Variants in RPS6KA2 observed in about 807,000 individuals in gnomAD.
RPS6KA2 encodes ribosomal protein S6 kinase A2.
RPS6KA2 carries 42 observed loss-of-function variants against 91.8 expected under a neutral mutation model. That is an observed-to-expected ratio of 0.46 (90% confidence interval 0.36 to 0.59). The LOEUF is 0.59. Among genes scored for constraint, RPS6KA2 ranks in the 20% least tolerant of loss-of-function variants. RPS6KA2 has a pLI of 0.00. For missense variants in RPS6KA2, 798 were observed against 978.5 expected (o/e 0.82, Z 2.46); for synonymous variants, 414 against 393.6 (o/e 1.05, Z -0.61).
intron 2 of RPS6KA2, among the ~76,000 whole-genome samples, chr6:166,676,672 C>A (rs999954967): frequency 4.6e-5 from 7 of 152,244 alleles, no homozygotes. Flanking sequence ...GATAATAAGA[C>A]TTTTCCCCTT....
At chr6:166,630,675 G>A (rs947186554), upstream of RPS6KA2, among the ~76,000 whole-genome samples, 2 of 152,228 alleles carry the variant, frequency 1.3e-5, no homozygotes, top group Non-Finnish European at 2.9e-5. Flanking sequence ...ACGAGGGAGG[G>A]AGGTGGGCTT....
intron 1 of RPS6KA2, among the ~76,000 whole-genome samples, chr6:166,570,346 T>C (rs1446722406): frequency 1.3e-5 from 2 of 152,218 alleles, no homozygotes; most frequent in Admixed American, 1.3e-4. Context: ...CCCCTTCCAC[T>C]GTCCTGCATG....
intron 1 of RPS6KA2, among the ~76,000 whole-genome samples, chr6:166,617,048 C>T (rs562060166): frequency 2.0e-5 from 3 of 152,336 alleles, no homozygotes; most frequent in East Asian, 1.9e-4. Context: ...AGGTGCCGGG[C>T]GCCCGCTCCA....
intron 1 of RPS6KA2, among the ~76,000 whole-genome samples, chr6:166,562,456 C>T (rs1784372650): frequency 6.6e-6 from 1 of 152,238 alleles, no homozygotes; most frequent in Non-Finnish European, 1.5e-5. Flanking sequence ...ATGACCATCT[C>T]TGGCTCTCTG....
intron 1 of RPS6KA2, among the ~76,000 whole-genome samples, chr6:166,617,626 G>A (rs1171618659): frequency 6.6e-6 from 1 of 152,122 alleles, no homozygotes; most frequent in Non-Finnish European, 1.5e-5. Context: ...ACCACTTTTT[G>A]TCTGCATTTT....
intron 11 of RPS6KA2, among the ~76,000 whole-genome samples, chr6:166,463,826 G>T (rs73271266): frequency 0.052 from 7,967 of 152,208 alleles, 714 homozygotes; most frequent in African/African-American, 0.18. Flanking sequence ...GATCGAAAGC[G>T]CCGCAGGAAG....
At chr6:166,471,040 C>T (rs1780747765) in intron 10 of RPS6KA2, among the ~76,000 whole-genome samples, 1 of 152,080 alleles carries the variant, frequency 6.6e-6, no homozygotes, top group Non-Finnish European at 1.5e-5. Context: ...AGGGTCTGAT[C>T]CCTGGGGCCC....
At position 166,423,029 on chromosome 6, in the gene RPS6KA2, A is replaced by T. The variant is rs1373215056; in HGVS notation, c.1743+227T>A. 2.0e-5 allele frequency among the ~76,000 whole-genome samples: 3 copies of T among 152,214 alleles called. No individual in the cohort carries two copies. Among genetic ancestry groups the T allele is most frequent in the African/African-American group, 7.2e-5 (3 of 41,446 alleles). Reference sequence around the variant, plus strand: ...TTTACATAAAAATGTTACTGTTGAAAAGTTTTTTCAAATGGGAAAATGAGA... The same window carrying T: ...TTTACATAAAAATGTTACTGTTGAATAGTTTTTTCAAATGGGAAAATGAGA... On this transcript the variant is annotated intron_variant, in intron 17 of 20. Transcript: ENST00000265678. This position sits in a 1 kb window ranked among gnomAD's most constrained non-coding sequence, Gnocchi z 4.8.
chr6:166,819,455 C>T (rs1779848945), intron 2 of RPS6KA2, among the ~76,000 whole-genome samples: 1 of 152,150 alleles, frequency 6.6e-6, no homozygotes, highest in South Asian at 2.1e-4. Context: ...CCCACAGTCG[C>T]TCCTGTAGGA....
intron 2 of RPS6KA2, among the ~76,000 whole-genome samples, chr6:166,632,726 A>T (rs186752189): frequency 6.6e-4 from 101 of 152,344 alleles, no homozygotes; most frequent in African/African-American, 2.3e-3. Flanking sequence ...GAGGAGAAAG[A>T]CCAGAAGACA....
chr6:166,451,785 C>A (rs9355581), intron 12 of RPS6KA2, among the ~76,000 whole-genome samples: 1 of 152,100 alleles, frequency 6.6e-6, no homozygotes, highest in African/African-American at 2.4e-5. Flanking sequence ...AGGCATAGTA[C>A]GAAAGGAGTA....
rs56187218 is a variant in RPS6KA2, at chr6:166,823,434, A to AGTGTGTGT, written c.123+34758_123+34765dup. ...TTGTTATGCACTGTATTGGTTTTGCAGTGTGTGTGTGTGTGTGTGTGTGTG... is the reference window on the plus strand; with the variant it reads ...TTGTTATGCACTGTATTGGTTTTGCAGTGTGTGTGTGTGTGTGTGTGTGTGTGTGTGTG... On this transcript the variant is annotated intron_variant, in intron 2 of 21. Coordinates refer to the RPS6KA2 transcript ENST00000503859. 1.9e-3 allele frequency among the ~76,000 whole-genome samples: 286 copies of AGTGTGTGT among 148,090 alleles called. 2 individuals carry two copies. Among genetic ancestry groups the AGTGTGTGT allele is most frequent in the East Asian group, 0.011 (56 of 4,988 alleles).
chr6:166,482,681 A>C (rs1013772702), intron 10 of RPS6KA2, among the ~76,000 whole-genome samples: 1 of 152,296 alleles, frequency 6.6e-6, no homozygotes, highest in Middle Eastern at 3.4e-3. Flanking sequence ...TCACAGGGTT[A>C]GCCGTTGGAG....
chr6:166,517,455 G>GTTTTGTTTT (rs1562550744), intron 3 of RPS6KA2, among the ~76,000 whole-genome samples: 2 of 104,966 alleles, frequency 1.9e-5, no homozygotes, highest in African/African-American at 8.9e-5. Flanking sequence ...CTTTTGTTTT[G>GTTTTGTTTT]TTTTTTTTTT....
intron 2 of RPS6KA2, among the ~76,000 whole-genome samples, chr6:166,731,719 T>C (rs1304743150): frequency 6.7e-6 from 1 of 149,762 alleles, no homozygotes; most frequent in East Asian, 1.9e-4. Flanking sequence ...TTAGCCGCAA[T>C]GCTTCTGTAA....
chr6:166,414,239 C>G (rs1390148274), intron 19 of RPS6KA2, among the ~76,000 whole-genome samples: 1 of 152,178 alleles, frequency 6.6e-6, no homozygotes, highest in Non-Finnish European at 1.5e-5. Context: ...TTTCTTGTAA[C>G]AATTATATCT....
rs562060268 is a variant in RPS6KA2, at chr6:166,434,095, C to A, written c.1333-1605G>T. ...TTTAGAGAACCAAACGCTTGGGTAG[C>A]ATTTGACTCACTGCTCATAATCTGT... On this transcript the variant is annotated intron_variant, in intron 14 of 20. Coordinates refer to ENST00000265678, the MANE Select transcript of RPS6KA2 (RefSeq NM_021135.6). The surrounding 1 kb of genome is among the most constrained non-coding windows in gnomAD (Gnocchi z 4.4). Among the ~76,000 whole-genome samples, 5 of 152,324 alleles carry A rather than the reference C, an allele frequency of 3.3e-5. No individual in the cohort carries two copies. In the South Asian group the frequency reaches 1.0e-3, roughly 32 times the overall value.
chr6:166,519,832 C>G (rs1451678076), intron 3 of RPS6KA2, among the ~76,000 whole-genome samples: 4 of 152,186 alleles, frequency 2.6e-5, no homozygotes, highest in Non-Finnish European at 4.4e-5. Flanking sequence ...CACCAATAGA[C>G]ATTATATGTA....
chr6:166,495,006 C>T lies in RPS6KA2; in HGVS notation c.747+3502G>A, dbSNP rs1361868614. Among the ~76,000 whole-genome samples, 1 of 152,220 alleles carries T rather than the reference C, an allele frequency of 6.6e-6. No individual in the cohort carries two copies. Among genetic ancestry groups the T allele is most frequent in the Non-Finnish European group, 1.5e-5 (1 of 68,048 alleles). ...AGAATTCAGAAGTCACTTCTGATGCCACCCACGGACGTGTGGGAAGCGTGG... is the reference window on the plus strand; with the variant it reads ...AGAATTCAGAAGTCACTTCTGATGCTACCCACGGACGTGTGGGAAGCGTGG... On this transcript the variant is annotated intron_variant, in intron 8 of 20. Transcript: ENST00000265678. The surrounding 1 kb of genome is among the most constrained non-coding windows in gnomAD (Gnocchi z 4.4).
Sources: allele counts gnomAD v4.1 joint callset (sites outside exome capture counted in the v4.1 genomes callset), GRCh38; gene constraint gnomAD v4.1.1; non-coding constraint Gnocchi (gnomAD v3.1); transcripts MANE v1.5; gene names NCBI Gene and HGNC (gene_info 2026-07-23, HGNC 2026-07-21).